GALNTL6: variants seen among roughly 807,000 people sequenced by gnomAD.
GALNTL6 encodes polypeptide N-acetylgalactosaminyltransferase like 6.
A neutral mutation model predicts 73.7 loss-of-function variants in GALNTL6; 46 were observed. The observed-to-expected ratio is 0.62, with a 90% confidence interval of 0.49 to 0.80. The LOEUF (loss-of-function observed/expected upper bound fraction) is 0.80, where lower values mean the gene tolerates loss of function less well. Ranked by LOEUF, GALNTL6 falls within the 30% of genes least tolerant of loss-of-function variation. The pLI, the probability that GALNTL6 is intolerant of heterozygous loss-of-function variation, is 0.00. For missense variants in GALNTL6, 604 were observed against 755.0 expected, an observed-to-expected ratio of 0.80 and a Z score of 2.34; for synonymous variants, 259 against 263.7, an observed-to-expected ratio of 0.98 and a Z score of 0.17.
chr4:172,812,204 C>T (rs929738395), intron 6 of GALNTL6, among the ~76,000 whole-genome samples: 1 of 152,118 alleles, frequency 6.6e-6, no homozygotes, highest in Non-Finnish European at 1.5e-5. Context: ...CCAGTAAAAC[C>T]TTATACTTTT....
At chr4:172,845,240 A>G (rs1743434087) in intron 7 of GALNTL6, among the ~76,000 whole-genome samples, 1 of 151,558 alleles carries the variant, frequency 6.6e-6, no homozygotes, top group African/African-American at 2.4e-5. Context: ...AAAAAGAAAA[A>G]GAAAAAGAAA....
intron 5 of GALNTL6, among the ~76,000 whole-genome samples, chr4:172,744,835 G>A (rs112566708): frequency 0.017 from 1,387 of 80,872 alleles, 25 homozygotes; most frequent in African/African-American, 0.065. Context: ...TTAAGAGTGC[G>A]CGTGCGTGTG....
At chr4:172,320,956 G>A (rs1051669078) in intron 4 of GALNTL6, among the ~76,000 whole-genome samples, 2 of 152,130 alleles carry the variant, frequency 1.3e-5, no homozygotes, top group African/African-American at 4.8e-5. Context: ...ACTTTTGGAG[G>A]CTTTATTTAC....
At chr4:172,380,732 G>A (rs1212464529) in intron 5 of GALNTL6, among the ~76,000 whole-genome samples, 4 of 152,148 alleles carry the variant, frequency 2.6e-5, no homozygotes, top group Non-Finnish European at 5.9e-5. Flanking sequence ...TACCACGAAA[G>A]AGAAGAGACA....
chr4:172,902,367 G>A (rs2111242572), intron 8 of GALNTL6, among the ~76,000 whole-genome samples: 1 of 152,114 alleles, frequency 6.6e-6, no homozygotes, highest in African/African-American at 2.4e-5. Flanking sequence ...ACACTAATTA[G>A]GCACCCACAA....
intron 4 of GALNTL6, 73 bp downstream of exon 4, chr4:172,311,825 T>A: frequency 9.7e-7 from 1 of 1,035,214 alleles, no homozygotes; most frequent in Non-Finnish European, 1.3e-6. Context: ...TTTTTAAATG[T>A]GTATCACTGC....
intron 9 of GALNTL6, among the ~76,000 whole-genome samples, chr4:172,936,144 A>C (rs531611876): frequency 3.4e-4 from 52 of 152,226 alleles, no homozygotes; most frequent in Non-Finnish European, 6.3e-4. Flanking sequence ...ATCAATAAAC[A>C]TAATCCATCA....
chr4:172,550,896 T>C (rs1370770982), intron 5 of GALNTL6, among the ~76,000 whole-genome samples: 1 of 152,226 alleles, frequency 6.6e-6, no homozygotes, highest in African/African-American at 2.4e-5. Context: ...GGAGCTTTTA[T>C]AAAAAGACTA....
At chr4:172,849,984 T>C (rs1743727957) in intron 7 of GALNTL6, among the ~76,000 whole-genome samples, 1 of 152,172 alleles carries the variant, frequency 6.6e-6, no homozygotes, top group African/African-American at 2.4e-5. Context: ...CTAAAGTCTT[T>C]CCTCTTCATA....
intron 2 of GALNTL6, among the ~76,000 whole-genome samples, chr4:171,837,293 A>C (rs1036597791): frequency 1.3e-5 from 2 of 152,088 alleles, no homozygotes; most frequent in Non-Finnish European, 2.9e-5. Context: ...TCTAGGACGT[A>C]ATCCATACTG....
At chr4:172,051,605 C>G (rs1333842676) in intron 2 of GALNTL6, among the ~76,000 whole-genome samples, 1 of 152,098 alleles carries the variant, frequency 6.6e-6, no homozygotes, top group Non-Finnish European at 1.5e-5. Flanking sequence ...TTCTTCTTGC[C>G]TTCTCTACCA....
intron 5 of GALNTL6, among the ~76,000 whole-genome samples, chr4:172,376,523 T>A (rs1305080607): frequency 1.3e-5 from 2 of 152,014 alleles, no homozygotes; most frequent in Non-Finnish European, 2.9e-5. Flanking sequence ...GAGTCAGGGG[T>A]TGTTAGACAG....
intron 5 of GALNTL6, among the ~76,000 whole-genome samples, chr4:172,369,636 G>A (rs941592688): frequency 2.6e-5 from 4 of 152,312 alleles, no homozygotes; most frequent in South Asian, 2.1e-4. Flanking sequence ...GCTGAGGCCC[G>A]GTGAGAATTT....
At chr4:172,527,594 C>T (rs1020201405) in intron 5 of GALNTL6, among the ~76,000 whole-genome samples, 11 of 152,076 alleles carry the variant, frequency 7.2e-5, no homozygotes, top group African/African-American at 2.7e-4. Context: ...CACATTATAC[C>T]ACTTTGCATA....
intron 5 of GALNTL6, among the ~76,000 whole-genome samples, chr4:172,359,312 T>G (rs946486468): frequency 6.6e-6 from 1 of 152,112 alleles, no homozygotes; most frequent in Non-Finnish European, 1.5e-5. Flanking sequence ...TTCACACTTA[T>G]AAGTGGGAAC....
chr4:172,497,110 A>G (rs1734093835), intron 5 of GALNTL6, among the ~76,000 whole-genome samples: 1 of 152,230 alleles, frequency 6.6e-6, no homozygotes, highest in Non-Finnish European at 1.5e-5. Context: ...ATTTCTAATC[A>G]GTTTATTGAA....
intron 2 of GALNTL6, among the ~76,000 whole-genome samples, chr4:172,178,447 G>A (rs1427325973): frequency 1.3e-5 from 2 of 152,070 alleles, no homozygotes; most frequent in African/African-American, 4.8e-5. Context: ...AGGCTGCAGT[G>A]TGTGATGTTC....
chr4:172,202,811 T>C (rs1474865118), intron 2 of GALNTL6, among the ~76,000 whole-genome samples: 6 of 152,246 alleles, frequency 3.9e-5, no homozygotes, highest in African/African-American at 1.2e-4. Context: ...AATAGAGTTA[T>C]ATATTGTAAA....
At chr4:171,883,813 A>G (rs1736529987) in intron 2 of GALNTL6, among the ~76,000 whole-genome samples, 1 of 151,666 alleles carries the variant, frequency 6.6e-6, no homozygotes, top group South Asian at 2.1e-4. Flanking sequence ...ACACCTGGCT[A>G]ATTTTTTGTA....
Sources: gnomAD v4.1 joint callset for allele counts (sites outside exome capture counted in the v4.1 genomes callset) on GRCh38, gnomAD v4.1.1 for gene constraint, MANE v1.5 for transcripts, NCBI Gene and HGNC (gene_info 2026-07-23, HGNC 2026-07-21) for gene names.